The following FHIT variants were observed in gnomAD, a reference collection of about 807,000 sequenced individuals.
The protein encoded by FHIT is fragile histidine triad diadenosine triphosphatase.
Under a neutral mutation model 17.9 loss-of-function variants are expected in FHIT, and 19 were observed. That is an observed-to-expected ratio of 1.06 (90% CI 0.74 to 1.56). The LOEUF is 1.56. Among genes scored for constraint, FHIT ranks in the 40% most tolerant of loss-of-function variants. The pLI is 0.00. For missense variants in FHIT, 248 were observed against 189.2 expected, an observed-to-expected ratio of 1.31 and a Z score of -1.82; for synonymous variants, 81 against 69.7, an observed-to-expected ratio of 1.16 and a Z score of -0.81.
intron 3 of FHIT, among the ~76,000 whole-genome samples, chr3:60,861,535 G>A (rs531108470): frequency 1.3e-5 from 2 of 151,470 alleles, no homozygotes; most frequent in South Asian, 2.1e-4. Context: ...CTGCAAAATC[G>A]CCTCCGATTG....
intron 2 of FHIT, among the ~76,000 whole-genome samples, chr3:61,057,340 G>A (rs1027682327): frequency 6.6e-6 from 1 of 152,108 alleles, no homozygotes; most frequent in Non-Finnish European, 1.5e-5. Context: ...GTTAACATTG[G>A]GGGTTCATAA....
intron 5 of FHIT, among the ~76,000 whole-genome samples, chr3:60,309,612 G>A (rs569292405): frequency 1.2e-4 from 18 of 152,188 alleles, no homozygotes; most frequent in Non-Finnish European, 2.1e-4. Context: ...CCAAATTGAG[G>A]CTTTTTGTGA....
chr3:60,921,831 A>G (rs1553768441), intron 3 of FHIT, among the ~76,000 whole-genome samples: 2 of 152,214 alleles, frequency 1.3e-5, no homozygotes, highest in Non-Finnish European at 2.9e-5. Flanking sequence ...AAGGGGCAAG[A>G]CATGTTCCCT....
intron 4 of FHIT, among the ~76,000 whole-genome samples, chr3:60,801,244 C>T (rs534022042): frequency 6.6e-6 from 1 of 152,282 alleles, no homozygotes; most frequent in South Asian, 2.1e-4. Flanking sequence ...TAATAACTCT[C>T]TTATACTTCC....
At chr3:60,573,463 A>G (rs962834114) in intron 4 of FHIT, among the ~76,000 whole-genome samples, 1 of 152,166 alleles carries the variant, frequency 6.6e-6, no homozygotes, top group African/African-American at 2.4e-5. Context: ...GGAGAGTCTC[A>G]AGTGCTGTGA....
chr3:59,765,262 A>G (rs113139090), intron 8 of FHIT, among the ~76,000 whole-genome samples: 128 of 152,370 alleles, frequency 8.4e-4, no homozygotes, highest in African/African-American at 2.8e-3. Context: ...ATGCTTTGAA[A>G]TAACTAATTA....
At chr3:61,040,728 T>C (rs142158445) in intron 3 of FHIT, among the ~76,000 whole-genome samples, 38 of 152,322 alleles carry the variant, frequency 2.5e-4, no homozygotes, top group African/African-American at 6.3e-4. Context: ...CATGGGTATA[T>C]GCTAGCAGAA....
At chr3:59,878,003 T>G (rs905379603) in intron 8 of FHIT, among the ~76,000 whole-genome samples, 1 of 152,192 alleles carries the variant, frequency 6.6e-6, no homozygotes, top group Non-Finnish European at 1.5e-5. Context: ...AACTCTTCAT[T>G]GGAATAAATG....
intron 3 of FHIT, among the ~76,000 whole-genome samples, chr3:60,865,475 C>T (rs1175647615): frequency 4.6e-5 from 7 of 152,050 alleles, no homozygotes; most frequent in Admixed American, 4.6e-4. Context: ...TTAGACATGC[C>T]TAATAAAATT....
chr3:60,915,554 G>C (rs1181917684), intron 3 of FHIT, among the ~76,000 whole-genome samples: 1 of 152,122 alleles, frequency 6.6e-6, no homozygotes, highest in Non-Finnish European at 1.5e-5. Flanking sequence ...AGCTGTCCTG[G>C]ACAGGAAGGA....
At chr3:60,559,271 G>A (rs1366772871) in intron 4 of FHIT, among the ~76,000 whole-genome samples, 1 of 152,088 alleles carries the variant, frequency 6.6e-6, no homozygotes, top group African/African-American at 2.4e-5. Context: ...TTCCCTAGAG[G>A]CATGCATTTC....
chr3:60,924,808 GA>G (rs1252072535), intron 3 of FHIT, among the ~76,000 whole-genome samples: 43 of 151,068 alleles, frequency 2.8e-4, no homozygotes, highest in African/African-American at 8.7e-4. Flanking sequence ...AAAAAACCTT[GA>G]AAAAAAAATT....
chr3:61,074,029 G>A lies in FHIT; in HGVS notation c.-163-31930C>T, dbSNP rs182868641. 3.9e-5 allele frequency among the ~76,000 whole-genome samples: 6 copies of A among 152,284 alleles called. No homozygotes were observed. The East Asian group carries it at 1.2e-3, about 29-fold the overall frequency. ...TTCCCAGGCATGGGTTATTAGACAC[G>A]AGAATGTAATTGATATTAACCAACT... is the stretch of plus-strand genomic sequence containing the variant. On this transcript the variant is annotated intron_variant, in intron 2 of 9. Transcript: ENST00000492590.
At chr3:59,984,134 T>G (rs1708781821) in intron 7 of FHIT, among the ~76,000 whole-genome samples, 1 of 152,118 alleles carries the variant, frequency 6.6e-6, no homozygotes, top group Non-Finnish European at 1.5e-5. Flanking sequence ...TGCACCAGAC[T>G]GTTTTCCCAG....
At chr3:60,068,880 T>C (rs992233142) in intron 5 of FHIT, among the ~76,000 whole-genome samples, 2 of 152,186 alleles carry the variant, frequency 1.3e-5, no homozygotes, top group African/African-American at 2.4e-5. Context: ...TACATTAATA[T>C]GCATAAAATA....
chr3:60,438,644 C>T (rs2030499348), intron 5 of FHIT, among the ~76,000 whole-genome samples: 1 of 152,170 alleles, frequency 6.6e-6, no homozygotes, highest in Non-Finnish European at 1.5e-5. Context: ...ACACTGTTAA[C>T]TTAAATAACA....
intron 2 of FHIT, among the ~76,000 whole-genome samples, chr3:61,098,486 A>G (rs1000399675): frequency 4.6e-5 from 7 of 152,206 alleles, no homozygotes; most frequent in Non-Finnish European, 7.3e-5. Flanking sequence ...TTCCGTGAAG[A>G]ATCTCAATGG....
At chr3:61,119,516 T>C (rs1559996885) in intron 2 of FHIT, among the ~76,000 whole-genome samples, 1 of 152,068 alleles carries the variant, frequency 6.6e-6, no homozygotes, top group East Asian at 1.9e-4. Context: ...GCCCAGCCTG[T>C]TATAGTTAAT....
At chr3:60,084,142 A>T (rs1329256544) in intron 5 of FHIT, among the ~76,000 whole-genome samples, 1 of 152,212 alleles carries the variant, frequency 6.6e-6, no homozygotes, top group Non-Finnish European at 1.5e-5. Flanking sequence ...AGAAAGGATA[A>T]TACTGAAAGG....
Sources: gnomAD v4.1 joint callset for allele counts (sites outside exome capture counted in the v4.1 genomes callset) on GRCh38, gnomAD v4.1.1 for gene constraint, MANE v1.5 for transcripts, NCBI Gene and HGNC (gene_info 2026-07-23, HGNC 2026-07-21) for gene names.